The following SPIRE1 variants were observed in gnomAD, a reference collection of about 807,000 sequenced individuals.
The protein encoded by SPIRE1 is spire type actin nucleation factor 1.
In SPIRE1, 40 loss-of-function variants were observed where a neutral mutation model predicts 94.1. The observed-to-expected ratio is 0.43, with a 90% CI of 0.33 to 0.55. The LOEUF (loss-of-function observed/expected upper bound fraction) is 0.55, where lower values mean the gene tolerates loss of function less well. Among genes scored for constraint, SPIRE1 ranks in the 20% least tolerant of loss-of-function variants. SPIRE1 has a pLI of 0.06. For missense variants in SPIRE1, 838 were observed against 975.2 expected, an observed-to-expected ratio of 0.86 and a Z score of 1.87; for synonymous variants, 376 against 371.7, an observed-to-expected ratio of 1.01 and a Z score of -0.13.
At chr18:12,463,660 C>A (rs1156272140) in intron 11 of SPIRE1, among the ~76,000 whole-genome samples, 167 bp from the exon 12 acceptor site, 1 of 152,090 alleles carries the variant, frequency 6.6e-6, no homozygotes, top group Non-Finnish European at 1.5e-5. Flanking sequence ...AGGGCTGTTA[C>A]AGAAGAATCT....
chr18:12,566,845 T>C (rs781236344), intron 2 of SPIRE1, among the ~76,000 whole-genome samples: 3 of 152,170 alleles, frequency 2.0e-5, no homozygotes, highest in East Asian at 3.9e-4. Context: ...TAATTCATCC[T>C]ATGAGGCCAG....
chr18:12,476,612 TATAC>T lies in SPIRE1; in HGVS notation c.1404+3083_1404+3086del, dbSNP rs1280836070. Among the ~76,000 whole-genome samples, 5 of 135,992 alleles carry T rather than the reference TATAC, an allele frequency of 3.7e-5. No individual in the cohort carries two copies. The Admixed American group carries it at 3.8e-4, about 10-fold the overall frequency. 89.2% of individuals were successfully genotyped at this position (135,992 alleles called of 152,430 possible). On this transcript the variant is annotated intron_variant, in intron 10 of 16. Transcript: ENST00000409402. ...ATACACACACACACACACACACATATATACACACACATATATATACACATATATA... is the reference window on the plus strand; with the variant it reads ...ATACACACACACACACACACACATATACACACATATATATACACATATATA...
At chr18:12,492,651 A>AT (rs879285848) in intron 8 of SPIRE1, among the ~76,000 whole-genome samples, 15 of 152,134 alleles carry the variant, frequency 9.9e-5, no homozygotes, top group South Asian at 2.1e-4. Context: ...TTTATAAAGT[A>AT]TTTTTTTACC....
chr18:12,540,278 G>A (rs2034977443), intron 3 of SPIRE1, among the ~76,000 whole-genome samples: 1 of 151,992 alleles, frequency 6.6e-6, no homozygotes, highest in African/African-American at 2.4e-5. Flanking sequence ...CAATCTTTTT[G>A]CTGATTCCTC....
chr18:12,583,732 C>G (rs947599078), intron 2 of SPIRE1, among the ~76,000 whole-genome samples: 27 of 152,034 alleles, frequency 1.8e-4, no homozygotes, highest in African/African-American at 6.5e-4. Flanking sequence ...CAAGATCAGC[C>G]TGAGCAAAAT....
intron 2 of SPIRE1, among the ~76,000 whole-genome samples, chr18:12,622,623 T>C (rs9949925): frequency 0.87 from 130,184 of 149,182 alleles, 57,435 homozygotes; most frequent in Non-Finnish European, 0.94. Context: ...AGGGTTTCAC[T>C]GTGTTAGCCA....
intron 12 of SPIRE1, among the ~76,000 whole-genome samples, chr18:12,458,902 T>C (rs879699888): frequency 2.6e-5 from 4 of 152,210 alleles, no homozygotes; most frequent in African/African-American, 4.8e-5. Flanking sequence ...TTGAGTCTCC[T>C]TTCCATATCA....
At chr18:12,631,657 C>T (rs1243118199) in intron 2 of SPIRE1, among the ~76,000 whole-genome samples, 3 of 151,676 alleles carry the variant, frequency 2.0e-5, no homozygotes, top group East Asian at 1.9e-4. Context: ...GGGAGGATCA[C>T]GAGGTCAGGA....
Position 12,657,796 on chromosome 18 carries a change from C to A in SPIRE1, c.71G>T (p.Arg24Leu). The A allele has an allele frequency of 7.9e-7, 1 of 1,270,370 alleles. No homozygotes were observed. The highest frequency in any genetic ancestry group is 2.3e-5 in the South Asian group (1 of 44,282). 78.7% of individuals were successfully genotyped at this position (1,270,370 alleles called of 1,614,324 possible). Residue 24 changes from arginine (R) to leucine (L), a missense_variant, in exon 1 of 17, where the codon CGG (arginine) becomes CTG (leucine). Around this residue, in one of 2 missense-constraint regions of SPIRE1, gnomAD observed 193 missense variants for 170.5 expected, o/e 1.13. Transcript: ENST00000409402. ...CGCGCCGCCGGCTGCCCCGGGCTCC[C>A]GCGGCCCCTCGCCGCCCACTGCCTC... is the stretch of plus-strand genomic sequence containing the variant. ...RTEAVGGEGP[R>L]EPGAAGGAAG... is the part of the protein sequence containing the mutation.
rs747036091 is a variant in SPIRE1, at chr18:12,479,749, T to G, written c.1354A>C (p.Lys452Gln). The change falls in exon 10 of 17, where the codon AAG (lysine) becomes CAG (glutamine). Residue 452 changes from lysine (K) to glutamine (Q), a missense_variant. Physicochemically the swap from Lys to Gln is moderately conservative, Grantham distance 53. Coordinates refer to ENST00000409402, the MANE Select transcript of SPIRE1 (RefSeq NM_001128626.2). ...TSQQVPAQRK[K>Q]LLRAPTLAEL... ...GCCAGAGTTGGGGCTCTGAGGAGCT[T>G]CTTCCGCTGTGCAGGCACCTGCTGT... The G allele has an allele frequency of 6.2e-7, 1 of 1,614,036 alleles. No homozygotes were observed. The highest frequency in any genetic ancestry group is 8.5e-7 in the Non-Finnish European group (1 of 1,179,948).
At chr18:12,471,253 T>A (rs1234333110) in intron 10 of SPIRE1, among the ~76,000 whole-genome samples, 1 of 152,134 alleles carries the variant, frequency 6.6e-6, no homozygotes, top group Non-Finnish European at 1.5e-5. Flanking sequence ...AGGGGATCTG[T>A]GACTAAAACA....
intron 4 of SPIRE1, among the ~76,000 whole-genome samples, chr18:12,522,777 C>A (rs73405602): frequency 0.048 from 7,296 of 152,288 alleles, 193 homozygotes; most frequent in South Asian, 0.097. Flanking sequence ...ACAACAAAGA[C>A]TGGATGGCGG....
intron 2 of SPIRE1, among the ~76,000 whole-genome samples, chr18:12,600,817 G>T (rs1329014228): frequency 1.3e-5 from 2 of 151,972 alleles, no homozygotes; most frequent in Middle Eastern, 3.4e-3. Context: ...CGACCTCCTG[G>T]ACTCAAAAGT....
At chr18:12,486,098 T>A in intron 8 of SPIRE1, 98 bp from the exon 9 acceptor site, 1 of 853,248 alleles carries the variant, frequency 1.2e-6, no homozygotes, top group Non-Finnish European at 1.8e-6. Context: ...AGACCCTTAG[T>A]GGCTACATGT....
At chr18:12,631,461 C>T (rs940486585) in intron 2 of SPIRE1, among the ~76,000 whole-genome samples, 8 of 134,214 alleles carry the variant, frequency 6.0e-5, no homozygotes, top group African/African-American at 2.0e-4. Flanking sequence ...TTTATAATCC[C>T]AACACTTTGG....
chr18:12,646,641 A>C (rs925055382), intron 1 of SPIRE1, among the ~76,000 whole-genome samples: 1 of 152,188 alleles, frequency 6.6e-6, no homozygotes, highest in Admixed American at 6.5e-5. Context: ...TCTCTCCGAA[A>C]TACAAGATAT....
chr18:12,647,555 C>T (rs1235100499), intron 1 of SPIRE1, among the ~76,000 whole-genome samples: 1 of 151,980 alleles, frequency 6.6e-6, no homozygotes, highest in Non-Finnish European at 1.5e-5. Flanking sequence ...CAAGACCAGC[C>T]TGGGCAATAT....
chr18:12,566,744 G>A (rs529699180), intron 2 of SPIRE1, among the ~76,000 whole-genome samples: 1 of 152,148 alleles, frequency 6.6e-6, no homozygotes, highest in South Asian at 2.1e-4. Context: ...GACCAGATAG[G>A]TTCACTGGTG....
chr18:12,607,882 C>T lies in SPIRE1; in HGVS notation c.372+27180G>A, dbSNP rs141833941. On this transcript the variant is annotated intron_variant, in intron 2 of 16. Transcript: ENST00000409402. Reference sequence around the variant, plus strand: ...TCAAAATATCTCACCTACGGCCGGGCGTGGTGGCTCATGCCTGTAATCCCA... The same window carrying T: ...TCAAAATATCTCACCTACGGCCGGGTGTGGTGGCTCATGCCTGTAATCCCA... Among the ~76,000 whole-genome samples the T allele has an allele frequency of 1.5e-3, 234 of 152,156 alleles. 1 individual carries two copies. The highest frequency in any genetic ancestry group is 5.4e-3 in the African/African-American group (225 of 41,524).
Sources: allele counts gnomAD v4.1 joint callset (sites outside exome capture counted in the v4.1 genomes callset), GRCh38; gene constraint gnomAD v4.1.1; regional missense constraint gnomAD v4.1.1; transcripts MANE v1.5; gene names NCBI Gene and HGNC (gene_info 2026-07-23, HGNC 2026-07-21).